The following RP1 variants were observed in gnomAD, a reference collection of about 807,000 sequenced individuals.
The protein encoded by RP1 is oxygen-regulated protein 1.
A neutral mutation model predicts 14.8 loss-of-function variants in RP1; 16 were observed. The observed-to-expected ratio is 1.08, with a 90% confidence interval of 0.73 to 1.65. The LOEUF is 1.65. Among genes scored for constraint, RP1 ranks in the 40% most tolerant of loss-of-function variants. RP1 has a pLI of 0.00. For missense variants in RP1, 2,631 were observed against 2,535.0 expected (o/e 1.04, Z -0.81); for synonymous variants, 876 against 883.6 (o/e 0.99, Z 0.15).
At chr8:54,648,989 T>C (rs996717848) in exon 4 of RP1, 19 of 1,505,322 alleles carry the variant, frequency 1.3e-5, no homozygotes, top group Non-Finnish European at 1.6e-5. Context: ...TTATAGGTAG[T>C]AACTGGAAAG....
At chr8:54,701,106 A>T (rs1449703355) in intron 13 of RP1, among the ~76,000 whole-genome samples, 4 of 152,198 alleles carry the variant, frequency 2.6e-5, no homozygotes, top group Non-Finnish European at 4.4e-5. Flanking sequence ...TTTGAAAGCA[A>T]AATTTAGGAA....
rs750542962 is a variant in RP1 at position 54,625,598 on chromosome 8, TAACTC to T, written c.1719_1723del (p.Ser574CysfsTer7). ...ATGGTTTGCCATCAACTATATCAAA[TAACTC>T]AATTGTGGAGGAAGATGTAGTTGAT... On this transcript the variant is annotated frameshift_variant, in exon 4 of 4. Coordinates refer to ENST00000220676, the MANE Select transcript of RP1 (RefSeq NM_006269.2). LOFTEE classifies it low-confidence loss of function (END_TRUNC). 1.1e-5 allele frequency: 17 copies of T among 1,614,026 alleles called. No homozygotes were observed. The African/African-American group carries it at 1.2e-4, about 11-fold the overall frequency.
chr8:54,684,547 T>C (rs1807512550), intron 12 of RP1, among the ~76,000 whole-genome samples: 1 of 152,164 alleles, frequency 6.6e-6, no homozygotes, highest in African/African-American at 2.4e-5. Context: ...TGCGGGGGTG[T>C]GTGCATCCAG....
At chr8:54,658,893 T>TTTTC in intron 6 of RP1, among the ~76,000 whole-genome samples, 1 of 152,008 alleles carries the variant, frequency 6.6e-6, no homozygotes, top group African/African-American at 2.4e-5. Context: ...TGTTTTTTTT[T>TTTTC]TTTCTATTGA....
chr8:54,783,041 A>C (rs1368223708), intron 23 of RP1, among the ~76,000 whole-genome samples: 1 of 151,948 alleles, frequency 6.6e-6, no homozygotes, highest in African/African-American at 2.4e-5. Context: ...AACTCCAGCA[A>C]TTTTTCATGA....
intron 27 of RP1, among the ~76,000 whole-genome samples, chr8:54,858,770 A>G (rs1242966306): frequency 2.0e-5 from 3 of 151,440 alleles, no homozygotes; most frequent in African/African-American, 7.3e-5. Flanking sequence ...CTATAGAGTG[A>G]TGTCACGGTG....
At chr8:54,671,543 C>T (rs1462880915) in intron 7 of RP1, among the ~76,000 whole-genome samples, 1 of 151,858 alleles carries the variant, frequency 6.6e-6, no homozygotes, top group Non-Finnish European at 1.5e-5. Flanking sequence ...TTTTGTTGCT[C>T]CTGTCTTGAT....
intron 7 of RP1, among the ~76,000 whole-genome samples, chr8:54,668,380 AC>A (rs1159542199): frequency 6.6e-6 from 1 of 152,208 alleles, no homozygotes; most frequent in Non-Finnish European, 1.5e-5. Context: ...AAAAGATGAC[AC>A]AAACAAATGG....
intron 21 of RP1, among the ~76,000 whole-genome samples, chr8:54,757,040 A>G (rs550873830): frequency 6.6e-6 from 1 of 152,198 alleles, no homozygotes. Context: ...TCAGAGATGT[A>G]AAAGTGTTTT....
rs770815082 is a variant in RP1 at position 54,628,082 on chromosome 8, C to A, written c.4200C>A (p.Gly1400=). ...ATGTCAGTAATTTAAGCTCCTGTGG[C>A]CTTTGCCTAAGTGAAAAAGAAGCAG... ...HQNVSNLSSC[G]LCLSEKEAEL... Residue 1400 remains glycine, a synonymous_variant, in exon 4 of 4, where the codon GGC becomes GGA. Coordinates refer to ENST00000220676, the MANE Select transcript of RP1 (RefSeq NM_006269.2). The A allele has an allele frequency of 5.6e-6, 9 of 1,613,878 alleles. No homozygotes were observed. Among genetic ancestry groups the A allele is most frequent in the Non-Finnish European group, 6.8e-6 (8 of 1,179,934 alleles).
Position 54,628,677 on chromosome 8 carries a change from G to A in RP1, c.4795G>A (p.Asp1599Asn). The change falls in exon 4 of 4, where the codon GAC becomes AAC. Residue 1599 changes from aspartate (D) to asparagine (N), a missense_variant. Asp to Asn is a conservative substitution (Grantham distance 23). Transcript: ENST00000220676. Reference sequence around the variant, plus strand: ...TTGGTCAGACTATCGGCCTGACAGTGACAGTGAGCAGCCATATAAAACATC... The same window carrying A: ...TTGGTCAGACTATCGGCCTGACAGTAACAGTGAGCAGCCATATAAAACATC... ...SDWSDYRPDS[D>N]SEQPYKTSSD... The A allele has an allele frequency of 5.6e-6, 9 of 1,614,086 alleles. No individual in the cohort carries two copies. The highest frequency in any genetic ancestry group is 7.6e-6 in the Non-Finnish European group (9 of 1,179,972).
At chr8:54,586,829 C>A (rs1804937914) in intron 1 of RP1, among the ~76,000 whole-genome samples, 1 of 152,180 alleles carries the variant, frequency 6.6e-6, no homozygotes, top group South Asian at 2.1e-4. Flanking sequence ...GTGCCGTTTG[C>A]TAAGACCATT....
chr8:54,855,889 G>A (rs142822701), intron 26 of RP1, among the ~76,000 whole-genome samples: 88 of 149,100 alleles, frequency 5.9e-4, no homozygotes, highest in African/African-American at 2.0e-3. Flanking sequence ...CTTCGCATAC[G>A]GAGTGCATAT....
intron 12 of RP1, among the ~76,000 whole-genome samples, chr8:54,694,766 A>T (rs982244570): frequency 5.4e-4 from 82 of 151,704 alleles, no homozygotes; most frequent in Non-Finnish European, 1.1e-3. Flanking sequence ...TTTTCAAAAA[A>T]CCACCTCCTG....
At chr8:54,831,819 G>T (rs921650921) in intron 24 of RP1, among the ~76,000 whole-genome samples, 3 of 149,834 alleles carry the variant, frequency 2.0e-5, no homozygotes, top group Non-Finnish European at 4.5e-5. Context: ...ACTTCTCTTT[G>T]CATTTTTTGT....
intron 17 of RP1, among the ~76,000 whole-genome samples, chr8:54,731,256 C>T (rs764447309): frequency 6.6e-6 from 1 of 152,108 alleles, no homozygotes; most frequent in Non-Finnish European, 1.5e-5. Context: ...TGGTCTGAGT[C>T]AACCTGATTG....
chr8:54,581,530 A>T (rs1260715992), intron 1 of RP1, among the ~76,000 whole-genome samples: 1 of 152,216 alleles, frequency 6.6e-6, no homozygotes, highest in Non-Finnish European at 1.5e-5. Flanking sequence ...CAGCAATGGG[A>T]TGGCTGAGTC....
chr8:54,601,225 T>A (rs1805276420), intron 1 of RP1, among the ~76,000 whole-genome samples: 1 of 152,164 alleles, frequency 6.6e-6, no homozygotes, highest in Non-Finnish European at 1.5e-5. Context: ...AGCTTTGAAA[T>A]CCTATCATAA....
chr8:54,781,048 A>C, intron 23 of RP1: 1 of 984,560 alleles, frequency 1.0e-6, no homozygotes, highest in Non-Finnish European at 1.2e-6. Flanking sequence ...TATTTTTAAC[A>C]CAAAAGGAAA....
Sources: allele counts gnomAD v4.1 joint callset (sites outside exome capture counted in the v4.1 genomes callset), GRCh38; gene constraint gnomAD v4.1.1; transcripts MANE v1.5; gene names NCBI Gene and HGNC (gene_info 2026-07-23, HGNC 2026-07-21).